The following SMG6 variants were observed in gnomAD, a reference collection of about 807,000 sequenced individuals.
SMG6 encodes the protein SMG6 nonsense mediated mRNA decay factor, also known as telomerase-binding protein EST1A.
In SMG6, 66 loss-of-function variants were observed where a neutral mutation model predicts 142.2. That is an observed-to-expected ratio of 0.46 (90% confidence interval 0.38 to 0.57). SMG6 has a LOEUF of 0.57. SMG6 is among the 20% of genes least tolerant of loss of function. The pLI is 0.00. For synonymous variants in SMG6, 779 were observed against 702.4 expected, an observed-to-expected ratio of 1.11 and a Z score of -1.72; for missense variants, 1,793 against 1,832.0, an observed-to-expected ratio of 0.98 and a Z score of 0.39.
intron 18 of SMG6, chr17:2,061,839 G>A (rs954406185): frequency 5.5e-6 from 3 of 542,586 alleles, no homozygotes; most frequent in African/African-American, 1.9e-5. Flanking sequence ...CTTGACTCCG[G>A]CCTCCCATAC....
chr17:2,298,931 C>A lies in SMG6; in HGVS notation c.1822G>T (p.Gly608Cys), dbSNP rs2075206115. The A allele has an allele frequency of 6.2e-7, 1 of 1,613,768 alleles. No homozygotes were observed. ...CTGAGTTGCGCCATCTTCTCCAGGCCCTCCGGACTGATGCGGTCCCTGGAG... is the reference window on the plus strand; with the variant it reads ...CTGAGTTGCGCCATCTTCTCCAGGCACTCCGGACTGATGCGGTCCCTGGAG... ...LLSRDRISPEGLEKMAQLRAE... is the reference protein window; with the variant it reads ...LLSRDRISPECLEKMAQLRAE... Residue 608 changes from glycine (G) to cysteine (C), a missense_variant, in exon 2 of 19, where the codon GGC becomes TGC. Physicochemically the swap from Gly to Cys is radical, Grantham distance 159. Around this residue, in one of 3 missense-constraint regions of SMG6, gnomAD observed 1,597 missense variants for 1,584.6 expected, o/e 1.01. Transcript: ENST00000263073.
chr17:2,120,087 C>G (rs998810057), intron 13 of SMG6, among the ~76,000 whole-genome samples: 1 of 152,236 alleles, frequency 6.6e-6, no homozygotes, highest in Admixed American at 6.5e-5. Context: ...GGATTCCACG[C>G]GTGAGCCACC....
chr17:2,177,970 C>T (rs768690348), intron 12 of SMG6, among the ~76,000 whole-genome samples: 1 of 152,360 alleles, frequency 6.6e-6, no homozygotes, highest in Non-Finnish European at 1.5e-5. Context: ...CATAAGACCA[C>T]TGTTGCCCTG....
At chr17:2,279,424 C>T (rs142386044) in intron 8 of SMG6, among the ~76,000 whole-genome samples, 39 of 152,260 alleles carry the variant, frequency 2.6e-4, no homozygotes, top group African/African-American at 7.7e-4. Flanking sequence ...TAAGAGCACA[C>T]AGAAATAACT....
intron 15 of SMG6, among the ~76,000 whole-genome samples, chr17:2,077,885 C>T (rs1396088898): frequency 6.6e-6 from 1 of 152,018 alleles, no homozygotes; most frequent in Non-Finnish European, 1.5e-5. Context: ...AAATAATCTG[C>T]CCAATGTCAT....
At chr17:2,088,223 A>G in intron 13 of SMG6, 1 of 985,450 alleles carries the variant, frequency 1.0e-6, no homozygotes, top group Non-Finnish European at 1.2e-6. Context: ...GCTACATGGT[A>G]TGCTGCGTGG....
chr17:2,151,790 G>C (rs562048856), intron 13 of SMG6, among the ~76,000 whole-genome samples: 45 of 152,202 alleles, frequency 3.0e-4, no homozygotes, highest in Non-Finnish European at 6.3e-4. Flanking sequence ...CACACAACAT[G>C]AAAGAGACCC....
intron 10 of SMG6, among the ~76,000 whole-genome samples, chr17:2,233,957 C>T (rs774819518): frequency 1.2e-4 from 18 of 152,182 alleles, no homozygotes; most frequent in Non-Finnish European, 2.4e-4. Context: ...GGCCGTTTTT[C>T]CTTGAAACAC....
rs968043649 is a variant in SMG6, at chr17:2,085,118, A to G, written c.3534+607T>C. Among the ~76,000 whole-genome samples the G allele has an allele frequency of 2.0e-4, 30 of 152,176 alleles. No individual in the cohort carries two copies. Among genetic ancestry groups the G allele is most frequent in the African/African-American group, 6.8e-4 (28 of 41,432 alleles). On this transcript the variant is annotated intron_variant, in intron 14 of 18. Transcript: ENST00000263073. This position sits in a 1 kb window ranked among gnomAD's most constrained non-coding sequence, Gnocchi z 4.1. ...CGGGTACACAGGCTCATGCATGTGC[A>G]TGCGCGTGCGCACACACACACACAG...
chr17:2,102,693 C>G (rs2069044455), intron 13 of SMG6, among the ~76,000 whole-genome samples: 3 of 151,928 alleles, frequency 2.0e-5, no homozygotes, highest in Admixed American at 6.6e-5. Context: ...TTTAAATGTA[C>G]AGTGCTGTAT....
intron 6 of SMG6, among the ~76,000 whole-genome samples, chr17:2,285,214 C>T (rs1286333306): frequency 6.6e-6 from 1 of 152,014 alleles, no homozygotes; most frequent in East Asian, 1.9e-4. Flanking sequence ...TAGAAAAGCA[C>T]TACTGTACAC....
intron 8 of SMG6, among the ~76,000 whole-genome samples, chr17:2,264,258 T>G (rs1278080314): frequency 6.6e-6 from 1 of 152,230 alleles, no homozygotes; most frequent in African/African-American, 2.4e-5. Flanking sequence ...AGCTGATTGC[T>G]CCCTTGTCTA....
intron 7 of SMG6, 51 bp from the exon 8 acceptor site, chr17:2,282,910 C>A: frequency 6.3e-7 from 1 of 1,579,406 alleles, no homozygotes; most frequent in Non-Finnish European, 8.7e-7. Context: ...GTGGCTCACG[C>A]CTGTAATCCC....
intron 15 of SMG6, among the ~76,000 whole-genome samples, chr17:2,077,808 A>C (rs2068301949): frequency 6.6e-6 from 1 of 152,164 alleles, no homozygotes; most frequent in Non-Finnish European, 1.5e-5. Context: ...TTGGAACCAT[A>C]GGCACGTGCC....
chr17:2,200,714 A>G (rs1480734154), intron 10 of SMG6, among the ~76,000 whole-genome samples: 1 of 152,046 alleles, frequency 6.6e-6, no homozygotes, highest in Non-Finnish European at 1.5e-5. Context: ...ATTTAATTTT[A>G]TTTATTTATG....
At position 2,282,756 on chromosome 17, in the gene SMG6, G is replaced by A; in HGVS notation, c.2552C>T (p.Thr851Ile). 6.2e-7 allele frequency: 1 copy of A among 1,614,202 alleles called. No homozygotes were observed. The highest frequency in any genetic ancestry group is 1.1e-5 in the South Asian group (1 of 91,088). The part of the protein sequence containing the change: ...STFRHVGDDT[T>I]RLEIWIHPSH... ...TGGATGAATCCAGATCTCCAGGCGA[G>A]TGGTGTCATCTCCAACATGCCGGAA... The change falls in exon 8 of 19, where the codon ACT becomes ATT. Residue 851 changes from threonine (T) to isoleucine (I), a missense_variant. Around this residue, in one of 3 missense-constraint regions of SMG6, gnomAD observed 1,597 missense variants for 1,584.6 expected, o/e 1.01. Transcript: ENST00000263073.
chr17:2,087,189 A>T, intron 13 of SMG6: 1 of 1,290,504 alleles, frequency 7.7e-7, no homozygotes, highest in South Asian at 1.2e-5. Flanking sequence ...ACTGGCAAGA[A>T]TTGTAAGGAC....
At chr17:2,128,626 C>G (rs549030949) in intron 13 of SMG6, among the ~76,000 whole-genome samples, 1 of 152,082 alleles carries the variant, frequency 6.6e-6, no homozygotes, top group African/African-American at 2.4e-5. Context: ...GAGTTCGAGA[C>G]TAGCTTGACC....
chr17:2,106,081 A>G (rs146754450), intron 13 of SMG6, among the ~76,000 whole-genome samples: 3 of 152,340 alleles, frequency 2.0e-5, no homozygotes, highest in Non-Finnish European at 4.4e-5. Context: ...TGGAGAAGGT[A>G]TGAAGGAGGA....
Sources: allele counts gnomAD v4.1 joint callset (sites outside exome capture counted in the v4.1 genomes callset), GRCh38; gene constraint gnomAD v4.1.1; regional missense constraint gnomAD v4.1.1; non-coding constraint Gnocchi (gnomAD v3.1); transcripts MANE v1.5; gene names NCBI Gene and HGNC (gene_info 2026-07-23, HGNC 2026-07-21).